Variants in ARHGAP15 observed in about 807,000 individuals in gnomAD.
ARHGAP15 encodes Rho GTPase activating protein 15.
A neutral mutation model predicts 63.7 loss-of-function variants in ARHGAP15; 51 were observed. The ratio of observed to expected loss-of-function variants is 0.80; its 90% CI spans 0.64 to 1.01. The LOEUF is 1.01. Among genes scored for constraint, ARHGAP15 ranks in the 50% least tolerant of loss-of-function variants. The pLI is 0.00. For missense variants in ARHGAP15, 560 were observed against 564.6 expected, an observed-to-expected ratio of 0.99 and a Z score of 0.08; for synonymous variants, 191 against 193.8, an observed-to-expected ratio of 0.99 and a Z score of 0.12.
intron 6 of ARHGAP15, among the ~76,000 whole-genome samples, chr2:143,412,070 A>G (rs1357690462): frequency 1.3e-5 from 2 of 152,162 alleles, no homozygotes; most frequent in Admixed American, 6.5e-5. Flanking sequence ...GAGTGTTTCA[A>G]TTTGAACCAG....
intron 11 of ARHGAP15, among the ~76,000 whole-genome samples, chr2:143,612,912 G>GAATA (rs1698311775): frequency 6.6e-6 from 1 of 152,190 alleles, no homozygotes; most frequent in Non-Finnish European, 1.5e-5. Flanking sequence ...GAGGCACTTA[G>GAATA]AATAGTGCCT....
chr2:143,566,829 C>T (rs1359822875), intron 11 of ARHGAP15, among the ~76,000 whole-genome samples: 1 of 152,064 alleles, frequency 6.6e-6, no homozygotes, highest in Non-Finnish European at 1.5e-5. Context: ...CCAGCCACTA[C>T]CTTTCCCAGT....
At chr2:143,426,569 T>C (rs1287933110) in intron 6 of ARHGAP15, among the ~76,000 whole-genome samples, 1 of 152,112 alleles carries the variant, frequency 6.6e-6, no homozygotes, top group African/African-American at 2.4e-5. Context: ...TTCAGCTCTG[T>C]CATCACATAG....
rs535255445 is a variant in ARHGAP15, at chr2:143,162,540, T to A, written c.165+6885T>A. 6.6e-5 allele frequency: 10 copies of A among 152,098 alleles called. No homozygotes were observed. In the South Asian group the frequency reaches 2.1e-3, roughly 32 times the overall value. 9.4% of individuals were successfully genotyped at this position (152,098 alleles called of 1,614,324 possible). ...AGCCAGAGGTCTCATTTTTACATCT[T>A]AGTTTAGACATAAAGGAGAATTACT... On this transcript the variant is annotated intron_variant, in intron 2 of 13. Coordinates refer to ENST00000295095, the MANE Select transcript of ARHGAP15 (RefSeq NM_018460.4).
chr2:143,730,892 T>TAAA (rs1158246680), intron 13 of ARHGAP15, among the ~76,000 whole-genome samples: 14 of 84,032 alleles, frequency 1.7e-4, no homozygotes, highest in African/African-American at 4.6e-4. Flanking sequence ...AGCACTCCTT[T>TAAA]AAAAAAAAAA....
chr2:143,534,725 CA>C lies in ARHGAP15; in HGVS notation c.925+15369del, dbSNP rs1055552078. Among the ~76,000 whole-genome samples, 9 of 150,852 alleles carry C rather than the reference CA, an allele frequency of 6.0e-5. No homozygotes were observed. In the East Asian group the frequency reaches 1.6e-3, roughly 26 times the overall value. ...AAAACACTGTCTGTACAAAAAATAC[CA>C]AAAAAAATAGCCAGGCGTGGTGGTG... On this transcript the variant is annotated intron_variant, in intron 10 of 13. Transcript: ENST00000295095.
At chr2:143,641,344 A>AAAT (rs1680591452) in intron 12 of ARHGAP15, 1 of 152,144 alleles carries the variant, frequency 6.6e-6, no homozygotes, top group Admixed American at 6.5e-5. Context: ...ATAACTACAC[A>AAAT]AATAGCACTG....
At chr2:143,431,583 G>GT (rs1689392487) in intron 6 of ARHGAP15, among the ~76,000 whole-genome samples, 2 of 152,018 alleles carry the variant, frequency 1.3e-5, no homozygotes, top group African/African-American at 4.8e-5. Context: ...TGTGCCTGCA[G>GT]TAACTACTCC....
intron 11 of ARHGAP15, among the ~76,000 whole-genome samples, chr2:143,560,979 A>G (rs969177018): frequency 2.0e-5 from 3 of 152,228 alleles, no homozygotes; most frequent in African/African-American, 4.8e-5. Flanking sequence ...AAACTGGTCC[A>G]TGACCTTAGA....
intron 8 of ARHGAP15, among the ~76,000 whole-genome samples, chr2:143,439,653 C>T (rs1242407866): frequency 6.6e-6 from 1 of 151,500 alleles, no homozygotes; most frequent in African/African-American, 2.4e-5. Context: ...TATTAGTTAC[C>T]TTATTTTATA....
At chr2:143,434,120 T>C (rs1689504111) in intron 6 of ARHGAP15, among the ~76,000 whole-genome samples, 1 of 152,120 alleles carries the variant, frequency 6.6e-6, no homozygotes, top group Admixed American at 6.6e-5. Context: ...CTAAATCTTA[T>C]ATGCAGTTTC....
rs1471384214 is a variant in ARHGAP15, at chr2:143,616,194, G to A, written c.1004-7939G>A. 2.6e-5 allele frequency among the ~76,000 whole-genome samples: 4 copies of A among 152,236 alleles called. No homozygotes were observed. The South Asian group carries it at 8.3e-4, about 32-fold the overall frequency. ...GCATTATGCATGGAGTTATGATGAT[G>A]GGAAGATGTTTTATGTTATGCCATT... On this transcript the variant is annotated intron_variant, in intron 11 of 13. Coordinates refer to ENST00000295095, the MANE Select transcript of ARHGAP15 (RefSeq NM_018460.4).
Position 143,354,465 on chromosome 2 carries a change from G to T in ARHGAP15, c.475-81136G>T, listed in dbSNP as rs541347404. Among the ~76,000 whole-genome samples, 4 of 152,206 alleles carry T rather than the reference G, an allele frequency of 2.6e-5. 1 individual carries two copies. In the South Asian group the frequency reaches 8.3e-4, roughly 32 times the overall value. On this transcript the variant is annotated intron_variant, in intron 6 of 13. Transcript: ENST00000295095. ...AAAACATGGTTCAAATGGTTTAACA[G>T]TCCTAGAAACGGAAGGCACCAGTTT...
intron 12 of ARHGAP15, among the ~76,000 whole-genome samples, chr2:143,694,820 T>G (rs907138508): frequency 6.6e-6 from 1 of 152,250 alleles, no homozygotes; most frequent in Non-Finnish European, 1.5e-5. Flanking sequence ...AATGAATGGT[T>G]AAGGATAAAG....
chr2:143,273,577 G>A (rs1482359256), intron 6 of ARHGAP15, among the ~76,000 whole-genome samples: 1 of 152,036 alleles, frequency 6.6e-6, no homozygotes, highest in African/African-American at 2.4e-5. Flanking sequence ...CTTACTAGTT[G>A]GATGAAATAT....
At chr2:143,753,717 G>A (rs1686468975) in intron 13 of ARHGAP15, among the ~76,000 whole-genome samples, 1 of 151,992 alleles carries the variant, frequency 6.6e-6, no homozygotes, top group Non-Finnish European at 1.5e-5. Flanking sequence ...AATTTTAGAT[G>A]GCCAAAAAAA....
intron 6 of ARHGAP15, among the ~76,000 whole-genome samples, chr2:143,311,286 CTT>C (rs200487179): frequency 1.0e-4 from 15 of 145,832 alleles, no homozygotes; most frequent in East Asian, 6.0e-4. Flanking sequence ...CTTCCCCTCC[CTT>C]TTTTTTTTTT....
intron 13 of ARHGAP15, among the ~76,000 whole-genome samples, chr2:143,739,639 G>C (rs1418587900): frequency 6.6e-6 from 1 of 152,104 alleles, no homozygotes; most frequent in Non-Finnish European, 1.5e-5. Flanking sequence ...CTGATTTCCT[G>C]CTACCCTTGA....
At chr2:143,676,667 C>T (rs1030774496) in intron 12 of ARHGAP15, 15 of 152,060 alleles carry the variant, frequency 9.9e-5, no homozygotes, top group African/African-American at 1.4e-4. Flanking sequence ...CTCATATGGG[C>T]GCAGTTTGTG....
Sources: gnomAD v4.1 joint callset for allele counts (sites outside exome capture counted in the v4.1 genomes callset) on GRCh38, gnomAD v4.1.1 for gene constraint, MANE v1.5 for transcripts, NCBI Gene and HGNC (gene_info 2026-07-23, HGNC 2026-07-21) for gene names.